Variants in CSMD3 observed in about 807,000 individuals in gnomAD.
The protein encoded by CSMD3 is CUB and Sushi multiple domains 3, also known as CUB and sushi domain-containing protein 3.
A neutral mutation model predicts 435.2 loss-of-function variants in CSMD3; 177 were observed. The observed-to-expected ratio is 0.41, with a 90% CI of 0.36 to 0.46. The LOEUF (loss-of-function observed/expected upper bound fraction) is 0.46, where lower values mean the gene tolerates loss of function less well. CSMD3 is among the 20% of genes least tolerant of loss of function. The pLI is 0.34. For missense variants in CSMD3, 4,265 were observed against 4,504.6 expected (o/e 0.95, Z 1.52); for synonymous variants, 1,656 against 1,520.5 (o/e 1.09, Z -2.07).
intron 16 of CSMD3, among the ~76,000 whole-genome samples, chr8:112,669,961 T>C (rs184844184): frequency 8.6e-4 from 131 of 152,308 alleles, no homozygotes; most frequent in African/African-American, 3.1e-3. Flanking sequence ...TCTTTCCAAC[T>C]GACATTAAGA....
At chr8:113,085,997 G>A (rs1010983972) in intron 5 of CSMD3, among the ~76,000 whole-genome samples, 7 of 152,072 alleles carry the variant, frequency 4.6e-5, no homozygotes, top group African/African-American at 1.4e-4. Flanking sequence ...CAGCACTTCG[G>A]GAGGCCGAGG....
rs180974825 is a variant in CSMD3 at position 113,377,193 on chromosome 8, G to A, written c.178+59484C>T. 1.3e-4 allele frequency: 147 copies of A among 1,161,280 alleles called. No homozygotes were observed. The African/African-American group carries it at 2.1e-3, about 17-fold the overall frequency. The allele number at this position is 1,161,280 out of a possible 1,614,324, so 71.9% of individuals were successfully genotyped here. A position where few individuals can be genotyped will look rare whatever the true frequency, so the allele number is the denominator to read the frequency against. On this transcript the variant is annotated intron_variant, in intron 1 of 70. Coordinates refer to ENST00000297405, the MANE Select transcript of CSMD3 (RefSeq NM_198123.2). ...TGCAAACCCTACATCCGCTCCAATG[G>A]CCGGAAGTTCGAGCGCGCGAGAGAC... is the stretch of plus-strand genomic sequence containing the variant.
intron 13 of CSMD3, among the ~76,000 whole-genome samples, chr8:112,781,557 A>G (rs2078386529): frequency 6.6e-6 from 1 of 152,246 alleles, no homozygotes; most frequent in Non-Finnish European, 1.5e-5. Flanking sequence ...TGCTAACTAA[A>G]GAGCACTTGG....
chr8:112,487,818 G>A (rs900920456), intron 31 of CSMD3, among the ~76,000 whole-genome samples: 3 of 152,140 alleles, frequency 2.0e-5, no homozygotes, highest in Admixed American at 2.0e-4. Context: ...CACTATTTTT[G>A]TTTTATTACC....
chr8:112,926,908 G>A (rs961305638), intron 9 of CSMD3, among the ~76,000 whole-genome samples: 4 of 152,050 alleles, frequency 2.6e-5, no homozygotes, highest in African/African-American at 9.7e-5. Flanking sequence ...CCTGACAGAT[G>A]CAGAAATTTA....
intron 11 of CSMD3, among the ~76,000 whole-genome samples, chr8:112,857,748 A>C (rs962117630): frequency 6.6e-6 from 1 of 151,830 alleles, no homozygotes; most frequent in Admixed American, 6.6e-5. Flanking sequence ...TAAATAATTC[A>C]TAAAAAGTGC....
chr8:112,978,544 T>G (rs143367661), intron 6 of CSMD3, among the ~76,000 whole-genome samples: 24 of 152,046 alleles, frequency 1.6e-4, no homozygotes, highest in African/African-American at 5.8e-4. Context: ...AGTCCCAATC[T>G]TAAAATATTT....
intron 30 of CSMD3, among the ~76,000 whole-genome samples, chr8:112,493,318 T>C (rs1264232525): frequency 1.3e-5 from 2 of 152,032 alleles, no homozygotes; most frequent in Non-Finnish European, 2.9e-5. Flanking sequence ...ATGAATTACT[T>C]TGGAAAAAAA....
chr8:112,920,889 G>T (rs2082713270), intron 10 of CSMD3, among the ~76,000 whole-genome samples: 1 of 146,858 alleles, frequency 6.8e-6, no homozygotes, highest in South Asian at 2.1e-4. Flanking sequence ...GTTTTGTCCA[G>T]TCAATATTTT....
chr8:112,345,909 A>G (rs1228105288), intron 41 of CSMD3, among the ~76,000 whole-genome samples, 188 bp downstream of exon 41: 1 of 152,186 alleles, frequency 6.6e-6, no homozygotes, highest in African/African-American at 2.4e-5. Context: ...CAAGTACTCC[A>G]AGTGAAATGT....
chr8:112,390,723 A>G lies in CSMD3; in HGVS notation c.5875T>C (p.Tyr1959His), dbSNP rs2129723389. The G allele has an allele frequency of 1.2e-6, 2 of 1,612,560 alleles. No homozygotes were observed. Among genetic ancestry groups the G allele is most frequent in the South Asian group, 2.2e-5 (2 of 91,054 alleles). The change falls in exon 36 of 71, where the codon TAT becomes CAT. Residue 1959 changes from tyrosine (Y) to histidine (H), a missense_variant. Tyr to His is a moderately conservative substitution (Grantham distance 83). Around this residue, in one of 3 missense-constraint regions of CSMD3, gnomAD observed 3,255 missense variants for 3,380.2 expected, o/e 0.96. Transcript: ENST00000297405. Reference sequence around the variant, plus strand: ...CACACACAATTCAGATTGTTGTCATAAGGCTCAGGGTATCCAGGTGACAAA... The same window carrying G: ...CACACACAATTCAGATTGTTGTCATGAGGCTCAGGGTATCCAGGTGACAAA... ...TILSPGYPEPYDNNLNCVWKI... is the reference protein window; with the variant it reads ...TILSPGYPEPHDNNLNCVWKI...
At chr8:112,395,061 A>T (rs189709952) in intron 35 of CSMD3, among the ~76,000 whole-genome samples, 1 of 152,174 alleles carries the variant, frequency 6.6e-6, no homozygotes, top group Non-Finnish European at 1.5e-5. Flanking sequence ...ATATTTATTT[A>T]TTTACCAACA....
At chr8:113,033,569 A>ATTTTTTT (rs1285513451) in intron 5 of CSMD3, among the ~76,000 whole-genome samples, 10 of 106,826 alleles carry the variant, frequency 9.4e-5, no homozygotes, top group East Asian at 2.6e-4. Flanking sequence ...TTTGATTTTG[A>ATTTTTTT]TTTTTTTTTT....
At chr8:113,385,001 G>A (rs950871966) in intron 1 of CSMD3, among the ~76,000 whole-genome samples, 5 of 152,068 alleles carry the variant, frequency 3.3e-5, no homozygotes, top group South Asian at 2.1e-4. Flanking sequence ...TAATGATAAT[G>A]CAATATGATA....
intron 31 of CSMD3, among the ~76,000 whole-genome samples, chr8:112,483,431 C>T (rs144859123): frequency 2.0e-5 from 3 of 152,088 alleles, no homozygotes; most frequent in East Asian, 1.9e-4. Flanking sequence ...TCCAGTGAGC[C>T]GAGCTTGCGC....
At chr8:112,329,169 T>C (rs1160957911) in intron 45 of CSMD3, among the ~76,000 whole-genome samples, 1 of 152,142 alleles carries the variant, frequency 6.6e-6, no homozygotes, top group East Asian at 1.9e-4. Context: ...AAAGACCTCT[T>C]CTCTACATTG....
intron 13 of CSMD3, among the ~76,000 whole-genome samples, chr8:112,777,368 G>C (rs1244252436): frequency 6.6e-6 from 1 of 151,614 alleles, no homozygotes; most frequent in Non-Finnish European, 1.5e-5. Flanking sequence ...TTTGTATAAG[G>C]CATTTTCATC....
At chr8:112,769,649 C>T (rs941259626) in intron 13 of CSMD3, among the ~76,000 whole-genome samples, 1 of 151,882 alleles carries the variant, frequency 6.6e-6, no homozygotes, top group Non-Finnish European at 1.5e-5. Context: ...ATAAGTTGCA[C>T]CTCAATAATT....
chr8:112,254,113 GC>G, intron 63 of CSMD3, 139 bp downstream of exon 63: 2 of 677,082 alleles, frequency 3.0e-6, no homozygotes, highest in East Asian at 2.8e-5. Flanking sequence ...CCACTCTTTT[GC>G]TGTCTGTTAC....
Sources: allele counts gnomAD v4.1 joint callset (sites outside exome capture counted in the v4.1 genomes callset), GRCh38; gene constraint gnomAD v4.1.1; regional missense constraint gnomAD v4.1.1; transcripts MANE v1.5; gene names NCBI Gene and HGNC (gene_info 2026-07-23, HGNC 2026-07-21).